Variants in PRR19 observed in about 807,000 individuals in gnomAD.
PRR19 encodes proline-rich protein 19.
A neutral mutation model predicts 19.2 loss-of-function variants in PRR19; 9 were observed. The observed-to-expected ratio is 0.47, with a 90% CI of 0.28 to 0.82. The LOEUF (loss-of-function observed/expected upper bound fraction) is 0.82, where lower values mean the gene tolerates loss of function less well. Among genes scored for constraint, PRR19 ranks in the 40% least tolerant of loss-of-function variants. PRR19 has a pLI of 0.11. For synonymous variants in PRR19, 190 were observed against 191.0 expected (o/e 0.99, Z 0.04); for missense variants, 457 against 466.0 (o/e 0.98, Z 0.18).
chr19:42,307,156 A>G (rs1349688077), intron 1 of PRR19: 1 of 152,114 alleles, frequency 6.6e-6, no homozygotes, highest in East Asian at 1.9e-4. Context: ...GCTGGCCACC[A>G]TGCTTCCTCT....
At position 42,309,946 on chromosome 19, in the gene PRR19, G is replaced by C; in HGVS notation, c.362G>C (p.Arg121Thr). The change falls in exon 2 of 3, where the codon AGG becomes ACG. Residue 121 changes from arginine (R) to threonine (T), a missense_variant. Arg to Thr is a moderately conservative substitution (Grantham distance 71, BLOSUM62 -1). Transcript: ENST00000341747. ...GCCCAGGAACCAGCCCCACGGTCCA[G>C]GGACAAAGAGAACCAGGTGCCTGGA... ...GRAQEPAPRS[R>T]DKENQVPGGS... The C allele has an allele frequency of 6.2e-7, 1 of 1,613,926 alleles. No homozygotes were observed. Among genetic ancestry groups the C allele is most frequent in the Non-Finnish European group, 8.5e-7 (1 of 1,179,952 alleles).
chr19:42,306,278 A>G (rs1459815083), intron 1 of PRR19, among the ~76,000 whole-genome samples: 1 of 152,210 alleles, frequency 6.6e-6, no homozygotes, highest in African/African-American at 2.4e-5. Flanking sequence ...GGTTCACGCC[A>G]TTCTCCTGCC....
Position 42,305,284 on chromosome 19 carries a change from AT to A in PRR19, c.-7+2795del, listed in dbSNP as rs372670058. On this transcript the variant is annotated intron_variant, in intron 1 of 2. Transcript: ENST00000341747. ...CTTCAAGTCAGTGATATAAGAGAGAATTTTTTTTTTTTTTGATAGAGTCTCG... is the reference window on the plus strand; with the variant it reads ...CTTCAAGTCAGTGATATAAGAGAGAATTTTTTTTTTTTTGATAGAGTCTCG... Among the ~76,000 whole-genome samples the A allele has an allele frequency of 1.9e-3, 276 of 145,922 alleles. 1 individual carries two copies. The highest frequency in any genetic ancestry group is 3.6e-3 in the Middle Eastern group (1 of 276).
chr19:42,305,314 T>A (rs1455189095), intron 1 of PRR19, among the ~76,000 whole-genome samples: 3 of 152,040 alleles, frequency 2.0e-5, no homozygotes, highest in Non-Finnish European at 4.4e-5. Context: ...AGTCTCGCTC[T>A]GTCGCCTAGG....
chr19:42,306,646 G>T (rs1232984355), intron 1 of PRR19, among the ~76,000 whole-genome samples: 1 of 152,154 alleles, frequency 6.6e-6, no homozygotes, highest in Non-Finnish European at 1.5e-5. Context: ...GGCTGCTTGG[G>T]GGACAGCTGT....
In PRR19 at chr19:42,309,963, G is replaced by C. The variant is rs1360553620; in HGVS notation, c.379G>C (p.Val127Leu). The C allele has an allele frequency of 1.3e-5, 21 of 1,613,840 alleles. No individual in the cohort carries two copies. Among genetic ancestry groups the C allele is most frequent in the Non-Finnish European group, 1.7e-5 (20 of 1,179,976 alleles). ...ACGGTCCAGGGACAAAGAGAACCAG[G>C]TGCCTGGAGGTTCGGGCCCAGGCCC... The part of the protein sequence containing the change: ...APRSRDKENQ[V>L]PGGSGPGPPS... Residue 127 changes from valine to leucine, a missense_variant, in exon 2 of 3, where the codon GTG (valine) becomes CTG (leucine). By Grantham distance (32) the Val-to-Leu change is conservative. Coordinates refer to ENST00000341747, the MANE Select transcript of PRR19 (RefSeq NM_199285.3).
At chr19:42,303,821 C>T (rs758553716) in intron 1 of PRR19, among the ~76,000 whole-genome samples, 2 of 151,992 alleles carry the variant, frequency 1.3e-5, no homozygotes, top group African/African-American at 2.4e-5. Flanking sequence ...GAGACAGGGA[C>T]CTCTGGGGAG....
chr19:42,306,427 C>G (rs2038707456), intron 1 of PRR19, among the ~76,000 whole-genome samples: 2 of 152,176 alleles, frequency 1.3e-5, no homozygotes. Context: ...CCCACCTCGG[C>G]CTCCCAAAGT....
chr19:42,302,392 T>C lies in PRR19; in HGVS notation c.-118T>C. 1 of 1,259,122 alleles carries C rather than the reference T, an allele frequency of 7.9e-7. No individual in the cohort carries two copies. 78.0% of individuals were successfully genotyped at this position (1,259,122 alleles called of 1,614,324 possible). On this transcript the variant is annotated 5_prime_UTR_variant, in exon 1 of 3. Coordinates refer to ENST00000341747, the MANE Select transcript of PRR19 (RefSeq NM_199285.3). ...ACGGAGCTGGCTCCGCCACGCCCACTCCTACCCCTCGCGGCAACAAAGGAC... is the reference window on the plus strand; with the variant it reads ...ACGGAGCTGGCTCCGCCACGCCCACCCCTACCCCTCGCGGCAACAAAGGAC...
At chr19:42,304,627 G>A (rs1568540462) in intron 1 of PRR19, among the ~76,000 whole-genome samples, 1 of 151,608 alleles carries the variant, frequency 6.6e-6, no homozygotes, top group Non-Finnish European at 1.5e-5. Context: ...GCAGGCGCCT[G>A]TTGTCCCAGC....
chr19:42,310,497 C>T lies in PRR19; in HGVS notation c.828C>T (p.Ala276=), dbSNP rs1300724252. The T allele has an allele frequency of 1.9e-6, 3 of 1,614,234 alleles. No homozygotes were observed. Among genetic ancestry groups the T allele is most frequent in the South Asian group, 1.1e-5 (1 of 91,092 alleles). ...CACTGTCTTCGCCATCTGGAACAGC[C>T]TGGGGTCCCCCAACAGCGTTTGACT... The part of the protein sequence containing the change: ...FPSLSSPSGT[A]WGPPTAFDLL... Residue 276 remains alanine (A), a synonymous_variant, in exon 3 of 3, where the codon GCC becomes GCT. Coordinates refer to ENST00000341747, the MANE Select transcript of PRR19 (RefSeq NM_199285.3).
intron 1 of PRR19, among the ~76,000 whole-genome samples, chr19:42,303,973 TA>T (rs1341506675): frequency 6.6e-6 from 1 of 152,022 alleles, no homozygotes; most frequent in African/African-American, 2.4e-5. Flanking sequence ...TATCGTGGAA[TA>T]GCTTGATTTT....
Position 42,302,519 on chromosome 19 carries a change from A to C in PRR19, c.-7+16A>C, listed in dbSNP as rs959760407. The C allele has an allele frequency of 1.9e-6, 1 of 537,616 alleles. No homozygotes were observed. Among genetic ancestry groups the C allele is most frequent in the Non-Finnish European group, 3.3e-6 (1 of 303,964 alleles). 33.3% of individuals were successfully genotyped at this position (537,616 alleles called of 1,614,324 possible). A position where few individuals can be genotyped will look rare whatever the true frequency, so the allele number is the denominator to read the frequency against. On this transcript the variant is annotated intron_variant, in intron 1 of 2. Coordinates refer to ENST00000341747, the MANE Select transcript of PRR19 (RefSeq NM_199285.3). Reference sequence around the variant, plus strand: ...CACTTAGGAGGTAGGTGGAATCAGGAACCTTCGCTTCCCCCACGACGGCCG... The same window carrying C: ...CACTTAGGAGGTAGGTGGAATCAGGCACCTTCGCTTCCCCCACGACGGCCG...
At chr19:42,306,932 G>C (rs898791856) in intron 1 of PRR19, 1 of 152,312 alleles carries the variant, frequency 6.6e-6, no homozygotes, top group South Asian at 2.1e-4. Flanking sequence ...GCATGGAAAG[G>C]GCACGCGCAT....
At chr19:42,307,544 T>G (rs1337044358) in intron 1 of PRR19, among the ~76,000 whole-genome samples, 1 of 151,312 alleles carries the variant, frequency 6.6e-6, no homozygotes, top group Non-Finnish European at 1.5e-5. Context: ...CAAGCGATTC[T>G]CCTGCCTCAG....
At chr19:42,303,094 T>C (rs966186602) in intron 1 of PRR19, among the ~76,000 whole-genome samples, 1 of 151,272 alleles carries the variant, frequency 6.6e-6, no homozygotes, top group Non-Finnish European at 1.5e-5. Context: ...TGTGTGTGTG[T>C]GTGTGTGTGT....
At chr19:42,308,246 A>T (rs1377577622) in intron 1 of PRR19, among the ~76,000 whole-genome samples, 1 of 151,994 alleles carries the variant, frequency 6.6e-6, no homozygotes, top group Non-Finnish European at 1.5e-5. Context: ...CTCTTTTAAG[A>T]GACAAGGTCT....
Position 42,309,893 on chromosome 19 carries a change from C to G in PRR19, c.309C>G (p.Pro103=), listed in dbSNP as rs78424339. 6.2e-7 allele frequency: 1 copy of G among 1,613,988 alleles called. No homozygotes were observed. Among genetic ancestry groups the G allele is most frequent in the Non-Finnish European group, 8.5e-7 (1 of 1,180,004 alleles). ...TGGTGCCAGGCAGCCCCACACTCCC[C>G]GCCAAGCCCTCCCCAAGCCCAGGCA... is the stretch of plus-strand genomic sequence containing the variant. ...GTLVPGSPTL[P]AKPSPSPGRA... is the part of the protein sequence containing the mutation. Residue 103 remains proline (P), a synonymous_variant, in exon 2 of 3, where the codon CCC becomes CCG. Transcript: ENST00000341747.
At position 42,310,638 on chromosome 19, in the gene PRR19, G is replaced by C. The variant is rs2038785324; in HGVS notation, c.969G>C (p.Leu323=). The C allele has an allele frequency of 6.2e-7, 1 of 1,613,534 alleles. No individual in the cohort carries two copies. The highest frequency in any genetic ancestry group is 1.1e-5 in the South Asian group (1 of 91,042). The part of the protein sequence containing the change: ...SSPLLPRTSV[L]DWSPSPPSPL... ...CCCTGTTGCCCCGAACCTCTGTCCTGGACTGGAGCCCCAGCCCCCCTTCCC... is the reference window on the plus strand; with the variant it reads ...CCCTGTTGCCCCGAACCTCTGTCCTCGACTGGAGCCCCAGCCCCCCTTCCC... Residue 323 remains leucine, a synonymous_variant, in exon 3 of 3, where the codon CTG becomes CTC. Coordinates refer to ENST00000341747, the MANE Select transcript of PRR19 (RefSeq NM_199285.3).
Sources: allele counts gnomAD v4.1 joint callset (sites outside exome capture counted in the v4.1 genomes callset), GRCh38; gene constraint gnomAD v4.1.1; transcripts MANE v1.5; gene names NCBI Gene and HGNC (gene_info 2026-07-23, HGNC 2026-07-21).